The following NRG1 variants were observed in gnomAD, a reference collection of about 807,000 sequenced individuals.
The protein encoded by NRG1 is pro-neuregulin-1, membrane-bound isoform.
In NRG1, 18 loss-of-function variants were observed where a neutral mutation model predicts 63.8. That is an observed-to-expected ratio of 0.28 (90% CI 0.19 to 0.42). The LOEUF is 0.42. Among genes scored for constraint, NRG1 ranks in the 10% least tolerant of loss-of-function variants. The pLI is 1.00. For missense variants in NRG1, 762 were observed against 814.7 expected (o/e 0.94, Z 0.79); for synonymous variants, 302 against 301.3 (o/e 1.00, Z -0.02).
intron 1 of NRG1, among the ~76,000 whole-genome samples, chr8:32,266,112 C>G (rs1264633244): frequency 6.6e-6 from 1 of 152,170 alleles, no homozygotes; most frequent in Non-Finnish European, 1.5e-5. Flanking sequence ...AACATTTTAT[C>G]TCTTCTGTGT....
chr8:32,465,671 C>T (rs942067022), intron 1 of NRG1, among the ~76,000 whole-genome samples: 12 of 152,128 alleles, frequency 7.9e-5, no homozygotes, highest in African/African-American at 1.4e-4. Context: ...GTTATTATTT[C>T]GGGAAATTGC....
intron 1 of NRG1, among the ~76,000 whole-genome samples, chr8:32,516,469 T>A (rs1250107223): frequency 6.6e-6 from 1 of 152,176 alleles, no homozygotes; most frequent in Non-Finnish European, 1.5e-5. Flanking sequence ...TGAAAAATGA[T>A]GTTGGTAGTT....
At chr8:31,887,520 T>C (rs1488867035) in intron 1 of NRG1, among the ~76,000 whole-genome samples, 1 of 152,050 alleles carries the variant, frequency 6.6e-6, no homozygotes, top group African/African-American at 2.4e-5. Flanking sequence ...GCCCTGTAAC[T>C]ACACATATAG....
At chr8:32,171,792 C>G (rs905237869) in intron 1 of NRG1, among the ~76,000 whole-genome samples, 4 of 152,096 alleles carry the variant, frequency 2.6e-5, no homozygotes, top group African/African-American at 9.7e-5. Flanking sequence ...GGCAGTGAGG[C>G]TGGGGGAGGG....
intron 1 of NRG1, among the ~76,000 whole-genome samples, chr8:32,069,017 G>A (rs1825332159): frequency 6.6e-6 from 1 of 152,182 alleles, no homozygotes; most frequent in African/African-American, 2.4e-5. Flanking sequence ...GCAATCATGA[G>A]GAATGGTATC....
intron 1 of NRG1, among the ~76,000 whole-genome samples, chr8:32,170,537 G>C (rs949889443): frequency 1.3e-5 from 2 of 152,176 alleles, no homozygotes; most frequent in African/African-American, 4.8e-5. Flanking sequence ...AATTAGCCCT[G>C]ACTCTAGAGC....
intron 4 of NRG1, among the ~76,000 whole-genome samples, chr8:32,616,631 T>C (rs978513682): frequency 8.5e-5 from 13 of 152,134 alleles, no homozygotes; most frequent in African/African-American, 2.9e-4. Context: ...TTCATCCCTT[T>C]TAAAAGTCTT....
At chr8:32,334,927 C>G (rs1803069746) in intron 1 of NRG1, among the ~76,000 whole-genome samples, 1 of 152,172 alleles carries the variant, frequency 6.6e-6, no homozygotes, top group Non-Finnish European at 1.5e-5. Context: ...AAACAAGGCT[C>G]AGAGTCAATG....
chr8:32,445,834 C>G (rs1048921096), intron 1 of NRG1, among the ~76,000 whole-genome samples: 3 of 151,978 alleles, frequency 2.0e-5, no homozygotes, highest in African/African-American at 7.3e-5. Flanking sequence ...AAATTTGGCT[C>G]TAAGCACCTG....
intron 1 of NRG1, among the ~76,000 whole-genome samples, chr8:31,824,677 C>T (rs1480585694): frequency 6.6e-6 from 1 of 152,170 alleles, no homozygotes; most frequent in Non-Finnish European, 1.5e-5. Context: ...TCTGCAGATG[C>T]ATGTAAAGCT....
chr8:32,280,477 G>A (rs1852582817), intron 1 of NRG1, among the ~76,000 whole-genome samples: 1 of 152,070 alleles, frequency 6.6e-6, no homozygotes, highest in Non-Finnish European at 1.5e-5. Flanking sequence ...ACACACAAAA[G>A]GGCAATTATT....
chr8:31,799,491 T>A (rs1335367786), intron 1 of NRG1, among the ~76,000 whole-genome samples: 1 of 152,096 alleles, frequency 6.6e-6, no homozygotes, highest in Non-Finnish European at 1.5e-5. Context: ...CCTTTACAAA[T>A]TAGGAAAATA....
chr8:32,151,817 T>C (rs1336674811), intron 1 of NRG1, among the ~76,000 whole-genome samples: 1 of 152,118 alleles, frequency 6.6e-6, no homozygotes, highest in East Asian at 1.9e-4. Flanking sequence ...CCTTTGGGTG[T>C]TGTTCATAAA....
intron 1 of NRG1, among the ~76,000 whole-genome samples, chr8:31,773,419 C>T (rs180740622): frequency 5.9e-5 from 9 of 152,202 alleles, no homozygotes; most frequent in East Asian, 1.9e-4. Context: ...CAAGGACTAC[C>T]GTAATTTCAT....
At chr8:32,304,815 G>T (rs1290296768) in intron 1 of NRG1, among the ~76,000 whole-genome samples, 1 of 151,916 alleles carries the variant, frequency 6.6e-6, no homozygotes. Context: ...TTAAGGACAG[G>T]AGTTCAAGAC....
rs186586687 is a variant in NRG1 at position 32,347,295 on chromosome 8, A to T, written c.38-248533A>T. On this transcript the variant is annotated intron_variant, in intron 1 of 10. Transcript: ENST00000519301. ...TTTTTGTACCCATTAACCAACTGTT[A>T]TTTACCCCTGCTCTTCTCCTTCCCA... is the stretch of plus-strand genomic sequence containing the variant. Among the ~76,000 whole-genome samples the T allele has an allele frequency of 1.0e-3, 158 of 152,230 alleles. 2 individuals carry two copies. The highest frequency in any genetic ancestry group is 3.6e-3 in the African/African-American group (150 of 41,532).
intron 1 of NRG1, among the ~76,000 whole-genome samples, chr8:31,942,877 G>A (rs370265786): frequency 2.2e-4 from 32 of 147,356 alleles, no homozygotes; most frequent in Non-Finnish European, 1.9e-4. Flanking sequence ...ATAATAAAAA[G>A]AAAAAAAAAA....
intron 1 of NRG1, among the ~76,000 whole-genome samples, chr8:32,236,862 A>G (rs561495924): frequency 1.3e-5 from 2 of 152,300 alleles, no homozygotes; most frequent in East Asian, 1.9e-4. Flanking sequence ...TGTGAGAAAC[A>G]TCTATCAGAC....
At chr8:31,800,852 T>C (rs1438588129) in intron 1 of NRG1, among the ~76,000 whole-genome samples, 2 of 141,956 alleles carry the variant, frequency 1.4e-5, no homozygotes, top group Non-Finnish European at 3.1e-5. Flanking sequence ...TTTTTTTTTT[T>C]TTTTTTGAGA....
Sources: gnomAD v4.1 joint callset for allele counts (sites outside exome capture counted in the v4.1 genomes callset) on GRCh38, gnomAD v4.1.1 for gene constraint, MANE v1.5 for transcripts, NCBI Gene and HGNC (gene_info 2026-07-23, HGNC 2026-07-21) for gene names.